Variants in STK10 observed in about 807,000 individuals in gnomAD.
The protein encoded by STK10 is serine/threonine kinase 10, also known as serine/threonine-protein kinase 10.
In STK10, 78 loss-of-function variants were observed where a neutral mutation model predicts 113.8. The ratio of observed to expected loss-of-function variants is 0.69; its 90% CI spans 0.57 to 0.83. The LOEUF is 0.83. Ranked by LOEUF, STK10 falls within the 40% of genes least tolerant of loss-of-function variation. The pLI is 0.00. For missense variants in STK10, 1,109 were observed against 1,280.1 expected (o/e 0.87, Z 2.04); for synonymous variants, 465 against 494.7 (o/e 0.94, Z 0.80).
chr5:172,185,368 A>G (rs908153653), intron 1 of STK10, among the ~76,000 whole-genome samples: 13 of 152,132 alleles, frequency 8.5e-5, no homozygotes, highest in African/African-American at 3.1e-4. Flanking sequence ...TCCCTGGTTC[A>G]AACGTTTCTC....
At chr5:172,107,004 T>G in intron 5 of STK10, 190 bp from the exon 6 acceptor site, 1 of 339,048 alleles carries the variant, frequency 2.9e-6, no homozygotes, top group Non-Finnish European at 5.3e-6. Context: ...TCCACGCGGC[T>G]CCCCGCCACG....
chr5:172,107,302 C>T (rs888789346), intron 5 of STK10, among the ~76,000 whole-genome samples: 5 of 152,058 alleles, frequency 3.3e-5, no homozygotes, highest in Admixed American at 1.3e-4. Context: ...AGTAGTCAGG[C>T]GTGAAATTGA....
At chr5:172,126,815 G>A (rs115179772) in intron 3 of STK10, among the ~76,000 whole-genome samples, 2,472 of 152,194 alleles carry the variant, frequency 0.016, 69 homozygotes, top group African/African-American at 0.055. Flanking sequence ...GACCTTCCTC[G>A]GGTATCTCGG....
Position 172,044,930 on chromosome 5 carries a change from TG to T in STK10, c.2858del (p.Pro953GlnfsTer41), listed in dbSNP as rs1190125267. The T allele has an allele frequency of 6.2e-7, 1 of 1,614,144 alleles. No individual in the cohort carries two copies. The highest frequency in any genetic ancestry group is 8.5e-7 in the Non-Finnish European group (1 of 1,180,006). ...AGGGGAAGAACTTGGCGGCCTTGCT[TG>T]GGGTGGAGGGGTTTGGGCACTCCGC... is the stretch of plus-strand genomic sequence containing the variant. ...EEAECPNPST[P>X]SKAAKFFPYS... On this transcript the variant is annotated frameshift_variant, in exon 19 of 19. Transcript: ENST00000176763. LOFTEE classifies it high-confidence loss of function. The surrounding 1 kb of genome is among the most constrained non-coding windows in gnomAD (Gnocchi z 4.5).
intron 12 of STK10, among the ~76,000 whole-genome samples, chr5:172,066,002 C>T (rs935575631): frequency 3.9e-5 from 6 of 152,148 alleles, no homozygotes; most frequent in Non-Finnish European, 7.4e-5. Context: ...TCTCTAAGGA[C>T]CTTAGAGTTC....
chr5:172,116,633 C>T (rs925724389), intron 4 of STK10, among the ~76,000 whole-genome samples: 3 of 151,754 alleles, frequency 2.0e-5, no homozygotes, highest in East Asian at 1.9e-4. Flanking sequence ...TTTGGGAGGC[C>T]GAGGCGGGTG....
chr5:172,181,371 T>TA lies in STK10; in HGVS notation c.156+6515dup, dbSNP rs1770850958. On this transcript the variant is annotated intron_variant, in intron 1 of 18. Coordinates refer to ENST00000176763, the MANE Select transcript of STK10 (RefSeq NM_005990.4). ...TTCTTCCCATAAGGCCTCTGGTTTT[T>TA]ACTGCATGATTTTGCATAGCTCTGT... Among the ~76,000 whole-genome samples, 5 of 152,380 alleles carry TA rather than the reference T, an allele frequency of 3.3e-5. No individual in the cohort carries two copies. In the South Asian group the frequency reaches 1.0e-3, roughly 32 times the overall value.
chr5:172,093,532 T>G lies in STK10; in HGVS notation c.1434A>C (p.Pro478=). 6.2e-7 allele frequency: 1 copy of G among 1,614,230 alleles called. No homozygotes were observed. Among genetic ancestry groups the G allele is most frequent in the Non-Finnish European group, 8.5e-7 (1 of 1,180,040 alleles). ...GSLEPPAQAA[P]GPSKRDSDCS... The stretch of plus-strand genomic sequence containing the variant: ...AGTCCGAGTCCCTCTTGGAAGGCCC[T>G]GGAGCTGCCTGGGCAGGTGGCTCCA... The change falls in exon 9 of 19, where the codon CCA becomes CCC. Residue 478 remains proline (P), a synonymous_variant. Transcript: ENST00000176763. This position sits in a 1 kb window ranked among gnomAD's most constrained non-coding sequence, Gnocchi z 4.1.
At chr5:172,159,272 G>A (rs900296300) in intron 1 of STK10, among the ~76,000 whole-genome samples, 2 of 152,168 alleles carry the variant, frequency 1.3e-5, no homozygotes, top group Non-Finnish European at 2.9e-5. Context: ...AGGCACGGTG[G>A]CTCACGCCTA....
At chr5:172,058,961 T>A (rs1464662653) in intron 14 of STK10, among the ~76,000 whole-genome samples, 5 of 151,990 alleles carry the variant, frequency 3.3e-5, no homozygotes, top group Non-Finnish European at 5.9e-5. Flanking sequence ...CGGTGGCTCA[T>A]GCCTGTAATC....
chr5:172,085,329 AG>A (rs1768528188), intron 10 of STK10, among the ~76,000 whole-genome samples: 1 of 152,194 alleles, frequency 6.6e-6, no homozygotes, highest in Non-Finnish European at 1.5e-5. Flanking sequence ...GTGTACTCAC[AG>A]AAAAAATATC....
At chr5:172,068,208 A>G (rs1344627666) in intron 12 of STK10, among the ~76,000 whole-genome samples, 1 of 152,008 alleles carries the variant, frequency 6.6e-6, no homozygotes, top group Non-Finnish European at 1.5e-5. Flanking sequence ...GGGTATGGTG[A>G]CAGGCGCCTG....
In STK10 at chr5:172,057,355, A is replaced by G. The variant is rs1218705332; in HGVS notation, c.2331T>C (p.His777=). Residue 777 remains histidine, a synonymous_variant, in exon 15 of 19, where the codon CAT becomes CAC. Transcript: ENST00000176763. ...FLQRHELLRK[H]EKEREQMQRY... ...GTGCCACCGGCAGCCTCACCTTCTC[A>G]TGCTTGCGCAGCAGCTCGTGCCGCT... The G allele has an allele frequency of 8.2e-6, 13 of 1,577,842 alleles. No homozygotes were observed. The Admixed American group carries it at 2.3e-4, about 28-fold the overall frequency.
chr5:172,111,516 C>G (rs533488208), intron 4 of STK10, among the ~76,000 whole-genome samples: 68 of 152,358 alleles, frequency 4.5e-4, no homozygotes, highest in South Asian at 1.2e-3. Context: ...GGCAGCCCCA[C>G]CTTGCAGCCC....
Position 172,096,573 on chromosome 5 carries a change from G to C in STK10, c.871-13C>G. Reference sequence around the variant, plus strand: ...TGACGAAGGGATGCTGAGGGGGCAAGATGCACCCAGATTAGAACCACTCTG... The same window carrying C: ...TGACGAAGGGATGCTGAGGGGGCAACATGCACCCAGATTAGAACCACTCTG... On this transcript the variant is annotated splice_polypyrimidine_tract_variant and intron_variant, in intron 7 of 18. Coordinates refer to ENST00000176763, the MANE Select transcript of STK10 (RefSeq NM_005990.4). 6.2e-7 allele frequency: 1 copy of C among 1,612,066 alleles called. No individual in the cohort carries two copies. The highest frequency in any genetic ancestry group is 8.5e-7 in the Non-Finnish European group (1 of 1,180,006).
intron 12 of STK10, among the ~76,000 whole-genome samples, chr5:172,076,656 G>A (rs1262339395): frequency 2.0e-5 from 3 of 152,182 alleles, no homozygotes; most frequent in Non-Finnish European, 4.4e-5. Context: ...AATAGTCCCC[G>A]GTTGAGGATC....
chr5:172,115,168 C>T (rs897466726), intron 4 of STK10: 1 of 152,520 alleles, frequency 6.6e-6, no homozygotes, highest in Non-Finnish European at 1.5e-5. Context: ...GTGACCCCAC[C>T]CTCCGTGCCA....
intron 12 of STK10, among the ~76,000 whole-genome samples, chr5:172,072,424 G>A (rs573876875): frequency 5.9e-5 from 9 of 152,156 alleles, no homozygotes; most frequent in South Asian, 2.1e-4. Context: ...ACACTGCCAC[G>A]CCTGGCTAAT....
chr5:172,149,510 G>C (rs886518041), intron 2 of STK10, among the ~76,000 whole-genome samples: 8 of 150,072 alleles, frequency 5.3e-5, no homozygotes, highest in African/African-American at 2.0e-4. Context: ...GTGTGTGTGT[G>C]TGTGTGTGTG....
Sources: gnomAD v4.1 joint callset for allele counts (sites outside exome capture counted in the v4.1 genomes callset) on GRCh38, gnomAD v4.1.1 for gene constraint, Gnocchi (gnomAD v3.1) non-coding constraint, MANE v1.5 for transcripts, NCBI Gene and HGNC (gene_info 2026-07-23, HGNC 2026-07-21) for gene names.